SRPK2: variants seen among roughly 807,000 people sequenced by gnomAD.
SRPK2 encodes the protein SRSF protein kinase 2.
In SRPK2, 21 loss-of-function variants were observed where a neutral mutation model predicts 90.8. The observed-to-expected ratio is 0.23, with a 90% CI of 0.16 to 0.33. The LOEUF (loss-of-function observed/expected upper bound fraction) is 0.33. SRPK2 is among the 10% of genes least tolerant of loss of function. The pLI, the probability that SRPK2 is intolerant of heterozygous loss-of-function variation, is 1.00. For synonymous variants in SRPK2, 288 were observed against 311.1 expected (o/e 0.93, Z 0.78); for missense variants, 620 against 869.0 (o/e 0.71, Z 3.60).
At chr7:105,271,368 T>A (rs183683645) in intron 2 of SRPK2, among the ~76,000 whole-genome samples, 3 of 152,350 alleles carry the variant, frequency 2.0e-5, no homozygotes, top group East Asian at 3.9e-4. Flanking sequence ...TAATAATACA[T>A]GAAAAGGTTT....
chr7:105,270,410 CTTTTTTT>C (rs34076915), intron 2 of SRPK2, among the ~76,000 whole-genome samples: 1 of 141,434 alleles, frequency 7.1e-6, no homozygotes, highest in Non-Finnish European at 1.5e-5. Context: ...CTCCTCTGCC[CTTTTTTT>C]TTTTTTTTTG....
intron 2 of SRPK2, chr7:105,205,985 G>A: frequency 1.9e-6 from 1 of 518,928 alleles, no homozygotes; most frequent in Non-Finnish European, 3.8e-6. Flanking sequence ...GAAAAGACAA[G>A]AAATGATGGC....
At chr7:105,386,283 C>CA (rs2132780493) in intron 2 of SRPK2, among the ~76,000 whole-genome samples, 1 of 146,064 alleles carries the variant, frequency 6.8e-6, no homozygotes, top group South Asian at 2.2e-4. Context: ...CACTGCCCTC[C>CA]AGCCTGGGCA....
chr7:105,233,080 AAAGGAAGGAAAGAAGGAAGGAAGGAAGG>A lies in SRPK2; in HGVS notation c.72-29323_72-29296del, dbSNP rs1174542474. On this transcript the variant is annotated intron_variant, in intron 2 of 15. Coordinates refer to ENST00000393651, the MANE Select transcript of SRPK2 (RefSeq NM_182692.3). Reference sequence around the variant, plus strand: ...GGAGGGAGCAAGGAAGGAAGGAAGGAAAGGAAGGAAAGAAGGAAGGAAGGAAGGAAGGAAGGAAGGAAGGAAGGAAGGA... The same window carrying A: ...GGAGGGAGCAAGGAAGGAAGGAAGGAAAGGAAGGAAGGAAGGAAGGAAGGA... Among the ~76,000 whole-genome samples, 7 of 117,164 alleles carry A rather than the reference AAAGGAAGGAAAGAAGGAAGGAAGGAAGG, an allele frequency of 6.0e-5. No individual in the cohort carries two copies. The South Asian group carries it at 8.6e-4, about 14-fold the overall frequency. The allele number at this position is 117,164 out of a possible 152,430, so 76.9% of individuals were successfully genotyped here.
chr7:105,207,731 C>A (rs922308683), intron 2 of SRPK2, among the ~76,000 whole-genome samples: 16 of 152,088 alleles, frequency 1.1e-4, no homozygotes, highest in African/African-American at 3.9e-4. Flanking sequence ...TAAATCTTCA[C>A]GACCTTAGGT....
chr7:105,384,939 C>T (rs1375683476), intron 2 of SRPK2, among the ~76,000 whole-genome samples: 1 of 151,538 alleles, frequency 6.6e-6, no homozygotes, highest in Non-Finnish European at 1.5e-5. Flanking sequence ...TGCAGTGGCG[C>T]AATCTCGGCT....
At chr7:105,193,806 A>G (rs569229696) in intron 3 of SRPK2, among the ~76,000 whole-genome samples, 40 of 152,358 alleles carry the variant, frequency 2.6e-4, no homozygotes, top group African/African-American at 9.6e-4. Flanking sequence ...AGAAGACAAA[A>G]ACCAAAACCC....
chr7:105,376,843 C>T (rs553070871), intron 2 of SRPK2, among the ~76,000 whole-genome samples: 6 of 101,190 alleles, frequency 5.9e-5, no homozygotes, highest in Non-Finnish European at 1.2e-4. Flanking sequence ...CGCCCCCCCA[C>T]CCCCCTTTTT....
intron 2 of SRPK2, among the ~76,000 whole-genome samples, chr7:105,262,079 A>T (rs923690767): frequency 6.6e-6 from 1 of 152,172 alleles, no homozygotes; most frequent in Non-Finnish European, 1.5e-5. Flanking sequence ...GACCTACCTG[A>T]TCAGATTTGT....
At chr7:105,160,656 G>T in intron 6 of SRPK2, 43 bp from the exon 7 acceptor site, 1 of 1,161,868 alleles carries the variant, frequency 8.6e-7, no homozygotes, top group Non-Finnish European at 1.3e-6. Flanking sequence ...ACTGCCTGGA[G>T]TGAGGCAGTT....
intron 2 of SRPK2, among the ~76,000 whole-genome samples, chr7:105,361,387 T>C (rs1818406790): frequency 6.6e-6 from 1 of 152,102 alleles, no homozygotes; most frequent in African/African-American, 2.4e-5. Flanking sequence ...ATCGTGAAAA[T>C]GGCCATACAG....
chr7:105,212,501 G>A (rs1796978488), intron 2 of SRPK2, among the ~76,000 whole-genome samples: 1 of 152,112 alleles, frequency 6.6e-6, no homozygotes, highest in Non-Finnish European at 1.5e-5. Flanking sequence ...AAAGCACAGA[G>A]GCCCAAACTA....
At chr7:105,298,690 C>T in intron 2 of SRPK2, 1 of 980,460 alleles carries the variant, frequency 1.0e-6, no homozygotes, top group Non-Finnish European at 1.2e-6. Flanking sequence ...TACTGCAACC[C>T]CCTGCCTAAA....
chr7:105,368,632 C>A (rs1477695017), intron 2 of SRPK2, among the ~76,000 whole-genome samples: 1 of 152,122 alleles, frequency 6.6e-6, no homozygotes, highest in African/African-American at 2.4e-5. Flanking sequence ...AGCCTGTAAT[C>A]CCAGCACTTA....
intron 2 of SRPK2, among the ~76,000 whole-genome samples, chr7:105,265,422 G>C (rs531316502): frequency 6.6e-6 from 1 of 152,074 alleles, no homozygotes; most frequent in Non-Finnish European, 1.5e-5. Flanking sequence ...TGAAGGACTT[G>C]AGCATCTGTG....
chr7:105,149,473 A>C (rs949567724), intron 7 of SRPK2, among the ~76,000 whole-genome samples: 12 of 151,382 alleles, frequency 7.9e-5, no homozygotes, highest in African/African-American at 2.5e-4. Flanking sequence ...GAAATAATGA[A>C]GATAATAATC....
chr7:105,387,577 C>T (rs765762982), intron 2 of SRPK2, among the ~76,000 whole-genome samples: 18 of 150,668 alleles, frequency 1.2e-4, no homozygotes, highest in Non-Finnish European at 2.2e-4. Flanking sequence ...AGGACCAAGG[C>T]CAACGAGAAG....
chr7:105,364,654 G>A (rs1818828830), intron 2 of SRPK2, among the ~76,000 whole-genome samples: 1 of 151,722 alleles, frequency 6.6e-6, no homozygotes, highest in Non-Finnish European at 1.5e-5. Flanking sequence ...CGCCTGCCTC[G>A]GCCTCCCAAA....
intron 2 of SRPK2, among the ~76,000 whole-genome samples, chr7:105,295,561 C>T (rs767407087): frequency 1.3e-4 from 19 of 151,908 alleles, no homozygotes; most frequent in Non-Finnish European, 2.5e-4. Flanking sequence ...TATGTGGTAG[C>T]GAGAATAAGC....
Sources: gnomAD v4.1 joint callset for allele counts (sites outside exome capture counted in the v4.1 genomes callset) on GRCh38, gnomAD v4.1.1 for gene constraint, MANE v1.5 for transcripts, NCBI Gene and HGNC (gene_info 2026-07-23, HGNC 2026-07-21) for gene names.